The following ZBTB10 variants were observed in gnomAD, a reference collection of about 807,000 sequenced individuals.
ZBTB10 encodes zinc finger and BTB domain-containing protein 10.
ZBTB10 carries 32 observed loss-of-function variants against 76.4 expected under a neutral mutation model. The ratio of observed to expected loss-of-function variants is 0.42; its 90% CI spans 0.32 to 0.56. The LOEUF is 0.56. Among genes scored for constraint, ZBTB10 ranks in the 20% least tolerant of loss-of-function variants. ZBTB10 has a pLI of 0.14. For missense variants in ZBTB10, 1,057 were observed against 1,098.5 expected, an observed-to-expected ratio of 0.96 and a Z score of 0.53; for synonymous variants, 523 against 432.9, an observed-to-expected ratio of 1.21 and a Z score of -2.58.
chr8:80,511,286 G>A (rs1816188726), intron 2 of ZBTB10, among the ~76,000 whole-genome samples: 1 of 152,174 alleles, frequency 6.6e-6, no homozygotes, highest in African/African-American at 2.4e-5. Context: ...TTAGGGCTAG[G>A]GTAGGAGATA....
At chr8:80,501,809 T>G (rs1028056840) in intron 2 of ZBTB10, among the ~76,000 whole-genome samples, 3 of 152,234 alleles carry the variant, frequency 2.0e-5, no homozygotes, top group Non-Finnish European at 4.4e-5. Context: ...TTTAGTTAAA[T>G]GAAGTATTAA....
intron 1 of ZBTB10, among the ~76,000 whole-genome samples, chr8:80,496,896 A>G (rs769658699): frequency 1.1e-4 from 17 of 152,208 alleles, no homozygotes; most frequent in African/African-American, 1.7e-4. Context: ...TGCTTTTACT[A>G]TAATATATAG....
Position 80,518,492 on chromosome 8 carries a change from A to G in ZBTB10, c.2050A>G (p.Lys684Glu). Reference protein sequence around the residue: ...GLIPGTSNDFKYGLIPGASND... With the variant: ...GLIPGTSNDFEYGLIPGASND... ...GATACCAGGTACTTCAAATGATTTC[A>G]AGTATGGATTGATACCAGGTGCTTC... The change falls in exon 4 of 6, where the codon AAG becomes GAG. Residue 684 changes from lysine to glutamate, a missense_variant. Lys to Glu is a moderately conservative substitution (Grantham distance 56, BLOSUM62 1). Transcript: ENST00000455036. 1 of 1,553,530 alleles carries G rather than the reference A, an allele frequency of 6.4e-7. No individual in the cohort carries two copies. The highest frequency in any genetic ancestry group is 2.4e-5 in the East Asian group (1 of 41,378).
chr8:80,489,407 A>G (rs1815566824), intron 1 of ZBTB10, among the ~76,000 whole-genome samples: 1 of 152,244 alleles, frequency 6.6e-6, no homozygotes, highest in Non-Finnish European at 1.5e-5. Context: ...ACTTGTGAAA[A>G]TGAAAGTTTA....
At chr8:80,507,686 G>A (rs1816095585) in intron 2 of ZBTB10, among the ~76,000 whole-genome samples, 1 of 152,086 alleles carries the variant, frequency 6.6e-6, no homozygotes, top group African/African-American at 2.4e-5. Flanking sequence ...CAAATCCCTG[G>A]GCTCAAGTGA....
In ZBTB10 at chr8:80,499,534, A is replaced by G. The variant is rs769538554; in HGVS notation, c.1013A>G (p.Asn338Ser). 6.2e-7 allele frequency: 1 copy of G among 1,613,208 alleles called. No homozygotes were observed. The highest frequency in any genetic ancestry group is 1.7e-5 in the Admixed American group (1 of 59,960). ...TCAGAGGAGGGGTACTGTGACTTTA[A>G]TAGTAGGCCAAATGAGAACTCTTAT... ...IPSEEGYCDF[N>S]SRPNENSYCY... Residue 338 changes from asparagine to serine, a missense_variant, in exon 2 of 6, where the codon AAT (asparagine) becomes AGT (serine). By Grantham distance (46) the Asn-to-Ser change is conservative. Around this residue, in one of 5 missense-constraint regions of ZBTB10, gnomAD observed 86 missense variants for 145.7 expected, o/e 0.59. Transcript: ENST00000455036.
chr8:80,485,722 C>T, upstream of ZBTB10: 3 of 1,462,340 alleles, frequency 2.1e-6, no homozygotes, highest in Non-Finnish European at 9.2e-7. Context: ...CCGCCTGGTC[C>T]AGTCTTTGTG....
chr8:80,515,634 T>A (rs980223273), intron 3 of ZBTB10, among the ~76,000 whole-genome samples: 2 of 152,214 alleles, frequency 1.3e-5, no homozygotes, highest in Non-Finnish European at 2.9e-5. Context: ...ATATTTGAAT[T>A]CATATGTAAA....
Position 80,525,694 on chromosome 8 carries a change from C to T in ZBTB10, c.*6166C>T, listed in dbSNP as rs1816547665. ...TCAATTTCAGTATTATTTTTCTGTA[C>T]CAAACTCATTCAATAAATACTTGAG... On this transcript the variant is annotated 3_prime_UTR_variant, in exon 6 of 6. Coordinates refer to ENST00000455036, the MANE Select transcript of ZBTB10 (RefSeq NM_001105539.3). 1 of 152,066 alleles carries T rather than the reference C, an allele frequency of 6.6e-6. No individual in the cohort carries two copies. The highest frequency in any genetic ancestry group is 1.5e-5 in the Non-Finnish European group (1 of 68,012). The allele number at this position is 152,066 out of a possible 1,614,324, so 9.4% of individuals were successfully genotyped here.
chr8:80,504,672 G>C (rs892502179), intron 2 of ZBTB10, among the ~76,000 whole-genome samples: 1 of 152,112 alleles, frequency 6.6e-6, no homozygotes, highest in Non-Finnish European at 1.5e-5. Flanking sequence ...TGGGATTATG[G>C]AATAATTAAA....
rs1815464264 is a variant in ZBTB10, at chr8:80,486,638, C to A, written c.-173C>A. ...GCGGCAGCGGACGCGTGCAGCAGAC[C>A]CGGGAGCGAGCGCGAGCCGGGCTGC... On this transcript the variant is annotated 5_prime_UTR_variant, in exon 1 of 6. Transcript: ENST00000455036. 8.1e-6 allele frequency: 8 copies of A among 987,866 alleles called. No homozygotes were observed. The highest frequency in any genetic ancestry group is 9.6e-6 in the Non-Finnish European group (8 of 831,986). 61.2% of individuals were successfully genotyped at this position (987,866 alleles called of 1,614,324 possible).
chr8:80,503,899 AGT>A (rs1386720938), intron 2 of ZBTB10, among the ~76,000 whole-genome samples: 2 of 152,218 alleles, frequency 1.3e-5, no homozygotes. Flanking sequence ...ACGTTTAAAG[AGT>A]CCTGTTTTTG....
In ZBTB10 at chr8:80,486,479, G is replaced by C. The variant is rs924563734; in HGVS notation, c.-332G>C. ...CGCACTCCGCTGCTCAACTTCGAAG[G>C]CCTCGCTCGCTGCAGGCTCGCTCCT... On this transcript the variant is annotated 5_prime_UTR_variant, in exon 1 of 6. Transcript: ENST00000455036. The C allele has an allele frequency of 3.0e-6, 3 of 985,218 alleles. No homozygotes were observed. The highest frequency in any genetic ancestry group is 1.2e-6 in the Non-Finnish European group (1 of 829,990). The allele number at this position is 985,218 out of a possible 1,614,324, so 61.0% of individuals were successfully genotyped here.
rs142027891 is a variant in ZBTB10 at position 80,505,514 on chromosome 8, T to C, written c.1861+5132T>C. Among the ~76,000 whole-genome samples, 1,234 of 152,310 alleles carry C rather than the reference T, an allele frequency of 8.1e-3. 5 individuals carry two copies. Among genetic ancestry groups the C allele is most frequent in the Non-Finnish European group, 0.013 (881 of 68,016 alleles). On this transcript the variant is annotated intron_variant, in intron 2 of 5. Transcript: ENST00000455036. ...TTAAAAGATAAAGTTTAGAATTCTT[T>C]TAAATAACCTGGAAGTTTCTTTCAC...
rs956344809 is a variant in ZBTB10, at chr8:80,522,331, CTT to C, written c.*2804_*2805del. On this transcript the variant is annotated 3_prime_UTR_variant, in exon 6 of 6. Coordinates refer to ENST00000455036, the MANE Select transcript of ZBTB10 (RefSeq NM_001105539.3). ...TGTTACACATTTGGCGAAGTTGTCT[CTT>C]GTAATTTATATTTTAAATGAAAAAG... 6 of 151,708 alleles carry C rather than the reference CTT, an allele frequency of 4.0e-5. No homozygotes were observed. The highest frequency in any genetic ancestry group is 7.3e-5 in the African/African-American group (3 of 41,350). The allele number at this position is 151,708 out of a possible 1,614,324, so 9.4% of individuals were successfully genotyped here.
chr8:80,509,592 A>T (rs1312567481), intron 2 of ZBTB10, among the ~76,000 whole-genome samples: 1 of 152,128 alleles, frequency 6.6e-6, no homozygotes, highest in Non-Finnish European at 1.5e-5. Context: ...TGTCATGACC[A>T]AGGCACCAAG....
In ZBTB10 at chr8:80,487,255, C is replaced by T. The variant is rs774717272; in HGVS notation, c.445C>T (p.Pro149Ser). 2 of 1,551,302 alleles carry T rather than the reference C, an allele frequency of 1.3e-6. No homozygotes were observed. The highest frequency in any genetic ancestry group is 2.7e-5 in the African/African-American group (2 of 73,246). Reference sequence around the variant, plus strand: ...CGGCCGCCCCGAGACCTCGGTGTGGCCCTTGAGGCATTTCAATGGGCGAGG... The same window carrying T: ...CGGCCGCCCCGAGACCTCGGTGTGGTCCTTGAGGCATTTCAATGGGCGAGG... Reference protein sequence around the residue: ...SRGRPETSVWPLRHFNGRGPA... With the variant: ...SRGRPETSVWSLRHFNGRGPA... The change falls in exon 1 of 6, where the codon CCC becomes TCC. Residue 149 changes from proline to serine, a missense_variant. Coordinates refer to ENST00000455036, the MANE Select transcript of ZBTB10 (RefSeq NM_001105539.3).
In ZBTB10 at chr8:80,487,782, GGTACA is replaced by G; in HGVS notation, c.972+4_972+8del. On this transcript the variant is annotated splice_donor_variant and splice_donor_5th_base_variant and intron_variant, in intron 1 of 5. Transcript: ENST00000455036. LOFTEE classifies it high-confidence loss of function. ...ACAAACTCCACGAAGCCAACGCCCA[GGTACA>G]GTATATCCTGCTCCTACTTTTTTGA... is the stretch of plus-strand genomic sequence containing the variant. 6 of 1,587,248 alleles carry G rather than the reference GGTACA, an allele frequency of 3.8e-6. No individual in the cohort carries two copies. The highest frequency in any genetic ancestry group is 5.1e-6 in the Non-Finnish European group (6 of 1,167,736).
Position 80,487,794 on chromosome 8 carries a change from C to A in ZBTB10, c.972+12C>A. The A allele has an allele frequency of 6.5e-7, 1 of 1,540,886 alleles. No homozygotes were observed. Among genetic ancestry groups the A allele is most frequent in the Non-Finnish European group, 8.7e-7 (1 of 1,146,436 alleles). The stretch of plus-strand genomic sequence containing the variant: ...AAGCCAACGCCCAGGTACAGTATAT[C>A]CTGCTCCTACTTTTTTGAGATCTTT... On this transcript the variant is annotated intron_variant, in intron 1 of 5. Transcript: ENST00000455036.
Sources: gnomAD v4.1 joint callset for allele counts (sites outside exome capture counted in the v4.1 genomes callset) on GRCh38, gnomAD v4.1.1 for gene constraint, gnomAD v4.1.1 regional missense constraint, MANE v1.5 for transcripts, NCBI Gene and HGNC (gene_info 2026-07-23, HGNC 2026-07-21) for gene names.